The following CEP89 variants were observed in gnomAD, a reference collection of about 807,000 sequenced individuals.
CEP89 encodes centrosomal protein of 89 kDa.
A neutral mutation model predicts 97.6 loss-of-function variants in CEP89; 95 were observed. That is an observed-to-expected ratio of 0.97 (90% confidence interval 0.82 to 1.15). The LOEUF is 1.15. Ranked by LOEUF, CEP89 falls within the 50% of genes most tolerant of loss-of-function variation. The pLI is 0.00. For synonymous variants in CEP89, 354 were observed against 349.1 expected, an observed-to-expected ratio of 1.01 and a Z score of -0.16; for missense variants, 869 against 947.7, an observed-to-expected ratio of 0.92 and a Z score of 1.09.
At chr19:32,897,561 G>C (rs546700716) in intron 16 of CEP89, among the ~76,000 whole-genome samples, 2 of 152,104 alleles carry the variant, frequency 1.3e-5, no homozygotes, top group African/African-American at 4.8e-5. Flanking sequence ...TACATTTAGA[G>C]GGTCCTGAAA....
rs754964063 is a variant in CEP89, at chr19:32,899,920, G to A, written c.1812C>T (p.Tyr604=). 6.8e-6 allele frequency: 11 copies of A among 1,613,798 alleles called. No individual in the cohort carries two copies. In the African/African-American group the frequency reaches 1.3e-4, roughly 20 times the overall value. The stretch of plus-strand genomic sequence containing the variant: ...CTGCCAGGCCAACAAGGTTTGCCAG[G>A]TACTGATGAGCAGACATTTCGTTCC... ...AMGNEMSAHQ[Y]LANLVGLAEN... The change falls in exon 16 of 19, where the codon TAC becomes TAT. Residue 604 remains tyrosine, a synonymous_variant. Coordinates refer to ENST00000305768, the MANE Select transcript of CEP89 (RefSeq NM_032816.5).
intron 16 of CEP89, among the ~76,000 whole-genome samples, chr19:32,899,254 C>A (rs1422913932): frequency 6.6e-6 from 1 of 151,626 alleles, no homozygotes; most frequent in African/African-American, 2.4e-5. Flanking sequence ...CCTGAGTTTC[C>A]TGAGTAGCTG....
intron 14 of CEP89, among the ~76,000 whole-genome samples, chr19:32,902,910 T>C (rs561023379): frequency 6.6e-6 from 1 of 152,246 alleles, no homozygotes; most frequent in East Asian, 1.9e-4. Flanking sequence ...ACCCCACCAG[T>C]CAGAATGGAA....
At chr19:32,965,501 G>C (rs972555641) in intron 2 of CEP89, among the ~76,000 whole-genome samples, 1 of 151,736 alleles carries the variant, frequency 6.6e-6, no homozygotes, top group Non-Finnish European at 1.5e-5. Flanking sequence ...CAGGATTTCA[G>C]CCTGGGAAAC....
intron 5 of CEP89, among the ~76,000 whole-genome samples, chr19:32,945,284 CAAAA>C (rs10709515): frequency 1.0e-5 from 1 of 95,884 alleles, no homozygotes; most frequent in Admixed American, 1.1e-4. Context: ...AACTATGTTT[CAAAA>C]AAAAAAAAAA....
intron 9 of CEP89, among the ~76,000 whole-genome samples, chr19:32,928,275 A>G (rs1970403809): frequency 6.6e-6 from 1 of 152,088 alleles, no homozygotes; most frequent in Non-Finnish European, 1.5e-5. Flanking sequence ...TTCACTGGAT[A>G]TGGAACTTTT....
At chr19:32,916,835 A>AC (rs1454577740) in intron 13 of CEP89, among the ~76,000 whole-genome samples, 1 of 152,036 alleles carries the variant, frequency 6.6e-6, no homozygotes, top group Admixed American at 6.6e-5. Context: ...ACATGGTGAA[A>AC]CACCCCTACT....
intron 12 of CEP89, among the ~76,000 whole-genome samples, chr19:32,918,978 G>A (rs4805824): frequency 0.22 from 32,739 of 147,472 alleles, 3,809 homozygotes; most frequent in East Asian, 0.51. Flanking sequence ...TCTGCCTCCC[G>A]GGTTCACATC....
intron 13 of CEP89, among the ~76,000 whole-genome samples, chr19:32,916,055 T>C (rs1970120767): frequency 6.6e-6 from 1 of 152,006 alleles, no homozygotes; most frequent in South Asian, 2.1e-4. Context: ...GAGGGGAGTA[T>C]TGCTTGGGGT....
rs1410780279 is a variant in CEP89 at position 32,879,282 on chromosome 19, G to A, written c.2232C>T (p.Gly744=). The change falls in exon 19 of 19, where the codon GGC becomes GGT. Residue 744 remains glycine, a synonymous_variant. Transcript: ENST00000305768. ...ELLQDTLTRT[G]VQDNPRALVA... The stretch of plus-strand genomic sequence containing the variant: ...CCAGAGCTCTGGGGTTGTCCTGCAC[G>A]CCTGTCCTCGTGAGTGTGTCCTGGA... 6.8e-6 allele frequency: 11 copies of A among 1,614,256 alleles called. No individual in the cohort carries two copies. The highest frequency in any genetic ancestry group is 5.0e-5 in the Admixed American group (3 of 60,032).
chr19:32,937,228 C>T (rs906797913), intron 7 of CEP89: 21 of 237,824 alleles, frequency 8.8e-5, no homozygotes, highest in Non-Finnish European at 1.4e-4. Context: ...CTGCCTTCAG[C>T]CTCAGAGCAG....
intron 14 of CEP89, among the ~76,000 whole-genome samples, chr19:32,912,849 T>C (rs1599732982): frequency 1.3e-5 from 2 of 151,526 alleles, no homozygotes; most frequent in African/African-American, 2.4e-5. Context: ...GAGACCATCC[T>C]GGCTGACACG....
At chr19:32,909,768 C>T (rs1969960274) in intron 14 of CEP89, among the ~76,000 whole-genome samples, 1 of 152,164 alleles carries the variant, frequency 6.6e-6, no homozygotes, top group Admixed American at 6.5e-5. Context: ...GTGGAGGACC[C>T]ATCCAGGAGG....
chr19:32,922,137 C>A (rs759772164), intron 12 of CEP89, among the ~76,000 whole-genome samples: 5 of 152,128 alleles, frequency 3.3e-5, no homozygotes, highest in Non-Finnish European at 7.3e-5. Context: ...GTTCCTGCCC[C>A]TGAGGAGTTC....
intron 9 of CEP89, among the ~76,000 whole-genome samples, chr19:32,929,374 G>T (rs537498324): frequency 6.6e-6 from 1 of 152,242 alleles, no homozygotes; most frequent in South Asian, 2.1e-4. Context: ...GGCTGAGGAG[G>T]GTGGATCATT....
intron 3 of CEP89, 85 bp downstream of exon 3, chr19:32,959,815 G>A (rs760626733): frequency 1.2e-4 from 174 of 1,444,404 alleles, no homozygotes; most frequent in Non-Finnish European, 1.5e-4. Context: ...ACACATGTAC[G>A]CATGCACACA....
At chr19:32,962,362 GT>G (rs1342443734) in intron 2 of CEP89, among the ~76,000 whole-genome samples, 1 of 152,162 alleles carries the variant, frequency 6.6e-6, no homozygotes, top group East Asian at 1.9e-4. Flanking sequence ...ATGCAGAACT[GT>G]GAGTCAATTA....
At position 32,915,465 on chromosome 19, in the gene CEP89, C is replaced by G. The variant is rs1384536148; in HGVS notation, c.1437G>C (p.Gln479His). Residue 479 changes from glutamine (Q) to histidine (H), a missense_variant, in exon 14 of 19, where the codon CAG becomes CAC. Gln to His is a conservative substitution (Grantham distance 24, BLOSUM62 0). Coordinates refer to ENST00000305768, the MANE Select transcript of CEP89 (RefSeq NM_032816.5). ...LMLLEAKTHG[Q>H]EKELAENREQ... ...CCCTGTTCTCCGCCAGCTCCTTTTC[C>G]TGGCCGTGGGTTTTTGCCTCCAGGA... is the stretch of plus-strand genomic sequence containing the variant. 2 of 1,613,226 alleles carry G rather than the reference C, an allele frequency of 1.2e-6. No individual in the cohort carries two copies. The highest frequency in any genetic ancestry group is 2.7e-5 in the African/African-American group (2 of 74,836).
At chr19:32,945,807 T>C (rs533917073) in intron 5 of CEP89, among the ~76,000 whole-genome samples, 1 of 152,316 alleles carries the variant, frequency 6.6e-6, no homozygotes, top group African/African-American at 2.4e-5. Flanking sequence ...AGATCCTTTC[T>C]TTAATTTTTT....
Sources: allele counts gnomAD v4.1 joint callset (sites outside exome capture counted in the v4.1 genomes callset), GRCh38; gene constraint gnomAD v4.1.1; transcripts MANE v1.5; gene names NCBI Gene and HGNC (gene_info 2026-07-23, HGNC 2026-07-21).